Variants in SIK3 observed in about 807,000 individuals in gnomAD.
The protein encoded by SIK3 is SIK family kinase 3, also known as serine/threonine-protein kinase SIK3.
A neutral mutation model predicts 144.2 loss-of-function variants in SIK3; 28 were observed. The observed-to-expected ratio is 0.19, with a 90% CI of 0.14 to 0.27. SIK3 has a LOEUF of 0.27. SIK3 is among the 10% of genes least tolerant of loss of function. The probability of loss-of-function intolerance (pLI) is 1.00; values close to 1 mark genes in which losing one functional copy is unlikely to be tolerated. For synonymous variants in SIK3, 686 were observed against 676.3 expected, an observed-to-expected ratio of 1.01 and a Z score of -0.22; for missense variants, 1,319 against 1,776.0, an observed-to-expected ratio of 0.74 and a Z score of 4.62.
At chr11:116,966,718 G>A (rs762538434) in intron 1 of SIK3, among the ~76,000 whole-genome samples, 2 of 152,124 alleles carry the variant, frequency 1.3e-5, no homozygotes, top group Admixed American at 6.6e-5. Context: ...TCAAAGTTAT[G>A]GTGGGAAATT....
intron 13 of SIK3, among the ~76,000 whole-genome samples, chr11:116,872,691 G>A (rs1455184331): frequency 6.6e-6 from 1 of 152,122 alleles, no homozygotes; most frequent in African/African-American, 2.4e-5. Flanking sequence ...AAAATGCCTT[G>A]TATTTTATAT....
chr11:117,054,779 A>T (rs1251459746), intron 1 of SIK3, among the ~76,000 whole-genome samples: 1 of 152,174 alleles, frequency 6.6e-6, no homozygotes, highest in Non-Finnish European at 1.5e-5. Context: ...TAATTTTAAA[A>T]TAAATAAAAA....
intron 6 of SIK3, among the ~76,000 whole-genome samples, chr11:116,882,560 G>A (rs1944603574): frequency 2.0e-5 from 3 of 152,208 alleles, no homozygotes; most frequent in Admixed American, 1.3e-4. Flanking sequence ...TGGCATAGAA[G>A]AAACTGAGTC....
At chr11:117,040,453 T>C (rs1952689165) in intron 1 of SIK3, among the ~76,000 whole-genome samples, 1 of 152,216 alleles carries the variant, frequency 6.6e-6, no homozygotes, top group Non-Finnish European at 1.5e-5. Context: ...CTATTCCCTC[T>C]CTTCTGAAGC....
At chr11:116,887,290 T>G (rs922320640) in intron 6 of SIK3, among the ~76,000 whole-genome samples, 1 of 147,142 alleles carries the variant, frequency 6.8e-6, no homozygotes, top group Non-Finnish European at 1.5e-5. Context: ...AGTGGTTTGA[T>G]GAATAAATAA....
chr11:116,996,819 C>CAAAAAAAAAAAAAAAAAAAAAAAA (rs11329513), intron 1 of SIK3, among the ~76,000 whole-genome samples: 1 of 58,392 alleles, frequency 1.7e-5, no homozygotes, highest in African/African-American at 6.1e-5. Flanking sequence ...GACTCTCTCT[C>CAAAAAAAAAAAAAAAAAAAAAAAA]AAAAAAAAAA....
At chr11:117,053,505 A>G (rs917264797) in intron 1 of SIK3, among the ~76,000 whole-genome samples, 1 of 152,140 alleles carries the variant, frequency 6.6e-6, no homozygotes, top group African/African-American at 2.4e-5. Flanking sequence ...CAAGACTAAT[A>G]TTACTCATTT....
At chr11:117,054,731 C>T (rs1025845761) in intron 1 of SIK3, among the ~76,000 whole-genome samples, 1 of 152,032 alleles carries the variant, frequency 6.6e-6, no homozygotes, top group African/African-American at 2.4e-5. Context: ...GAATTCAAGA[C>T]CAGCTTAGAC....
intron 1 of SIK3, among the ~76,000 whole-genome samples, chr11:116,992,688 A>G (rs1157455036): frequency 6.6e-6 from 1 of 152,148 alleles, no homozygotes; most frequent in African/African-American, 2.4e-5. Flanking sequence ...GGAATTCAAA[A>G]AGTTATCACT....
Position 117,062,526 on chromosome 11 carries a change from T to C in SIK3, c.273+35617A>G, listed in dbSNP as rs560643691. 8.5e-5 allele frequency among the ~76,000 whole-genome samples: 13 copies of C among 152,238 alleles called. 1 individual carries two copies. Among genetic ancestry groups the C allele is most frequent in the African/African-American group, 2.6e-4 (11 of 41,550 alleles). On this transcript the variant is annotated intron_variant, in intron 1 of 24. Coordinates refer to ENST00000445177, the MANE Select transcript of SIK3 (RefSeq NM_001366686.3). Reference sequence around the variant, plus strand: ...AAATATCGGCCCAAAATGGAACCCATAGGTCCAAAATATGCCTAATAGTAA... The same window carrying C: ...AAATATCGGCCCAAAATGGAACCCACAGGTCCAAAATATGCCTAATAGTAA...
chr11:116,852,479 G>A (rs775363837), intron 21 of SIK3, among the ~76,000 whole-genome samples: 6 of 152,216 alleles, frequency 3.9e-5, no homozygotes, highest in Admixed American at 6.5e-5. Flanking sequence ...AGAGTTGGCC[G>A]TGAATCCTGG....
intron 3 of SIK3, among the ~76,000 whole-genome samples, chr11:116,938,560 G>C (rs1188984888): frequency 6.8e-5 from 3 of 44,118 alleles, no homozygotes; most frequent in Non-Finnish European, 1.1e-4. Context: ...GGGGAGGGGA[G>C]GGGAGGGGAG....
chr11:116,945,852 CCT>C (rs1227426240), intron 3 of SIK3, among the ~76,000 whole-genome samples: 1 of 151,742 alleles, frequency 6.6e-6, no homozygotes, highest in African/African-American at 2.4e-5. Context: ...TCTTAATTGC[CCT>C]CTCTCTCATT....
chr11:116,853,277 T>TG (rs1272621646), intron 21 of SIK3, among the ~76,000 whole-genome samples: 1 of 152,288 alleles, frequency 6.6e-6, no homozygotes, highest in East Asian at 1.9e-4. Flanking sequence ...TCGACCATTT[T>TG]GGGGGGTACA....
intron 1 of SIK3, among the ~76,000 whole-genome samples, chr11:117,002,397 G>C (rs188778028): frequency 4.0e-5 from 6 of 150,568 alleles, no homozygotes; most frequent in Admixed American, 1.3e-4. Flanking sequence ...CAAACAATTG[G>C]ACACCCTTAA....
At chr11:116,965,782 T>TATATAA (rs1321470388) in intron 1 of SIK3, among the ~76,000 whole-genome samples, 2 of 117,394 alleles carry the variant, frequency 1.7e-5, no homozygotes, top group East Asian at 2.8e-4. Flanking sequence ...TATATATATA[T>TATATAA]AAATTAGCCA....
intron 9 of SIK3, 117 bp from the exon 10 acceptor site, chr11:116,875,568 G>T: frequency 1.7e-6 from 2 of 1,148,450 alleles, no homozygotes; most frequent in Non-Finnish European, 2.5e-6. Flanking sequence ...AAAGTTTTTG[G>T]TTCATCGGCC....
At chr11:117,081,966 A>T (rs1459575484) in intron 1 of SIK3, among the ~76,000 whole-genome samples, 2 of 152,228 alleles carry the variant, frequency 1.3e-5, no homozygotes, top group Admixed American at 6.5e-5. Context: ...CCAATTCAAA[A>T]ATGGGCAAAG....
At chr11:116,895,525 AC>A (rs1368580815) in intron 6 of SIK3, among the ~76,000 whole-genome samples, 1 of 152,182 alleles carries the variant, frequency 6.6e-6, no homozygotes, top group Non-Finnish European at 1.5e-5. Flanking sequence ...CTTGTTGTCA[AC>A]CCAGTGGACA....
Sources: allele counts gnomAD v4.1 joint callset (sites outside exome capture counted in the v4.1 genomes callset), GRCh38; gene constraint gnomAD v4.1.1; transcripts MANE v1.5; gene names NCBI Gene and HGNC (gene_info 2026-07-23, HGNC 2026-07-21).